LITAF: variants seen among roughly 807,000 people sequenced by gnomAD.
The protein encoded by LITAF is lipopolysaccharide induced TNF factor.
In LITAF, 9 loss-of-function variants were observed where a neutral mutation model predicts 14.5. The ratio of observed to expected loss-of-function variants is 0.62; its 90% confidence interval spans 0.37 to 1.08. The LOEUF (loss-of-function observed/expected upper bound fraction) is 1.08, where lower values mean the gene tolerates loss of function less well. Among genes scored for constraint, LITAF ranks in the 50% least tolerant of loss-of-function variants. The probability of loss-of-function intolerance (pLI) is 0.01; values close to 1 mark genes in which losing one functional copy is unlikely to be tolerated. For missense variants in LITAF, 206 were observed against 213.4 expected (o/e 0.97, Z 0.22); for synonymous variants, 98 against 88.2 (o/e 1.11, Z -0.62).
chr16:11,593,060 A>C (rs1340748547), intron 1 of LITAF, among the ~76,000 whole-genome samples: 1 of 152,124 alleles, frequency 6.6e-6, no homozygotes, highest in Non-Finnish European at 1.5e-5. Context: ...AGCCCCAGCT[A>C]CTCAGGAGGC....
chr16:11,611,684 A>T (rs1214074553), intron 3 of LITAF, among the ~76,000 whole-genome samples: 1 of 146,106 alleles, frequency 6.8e-6, no homozygotes, highest in African/African-American at 2.5e-5. Flanking sequence ...TTTTTTTAAG[A>T]CAGAGTCTCC....
chr16:11,556,466 G>A (rs781536905), intron 2 of LITAF, 45 bp downstream of exon 2: 19 of 1,530,766 alleles, frequency 1.2e-5, no homozygotes, highest in Non-Finnish European at 1.6e-5. Flanking sequence ...TTCCCAGGGT[G>A]GAGGGCCAAG....
chr16:11,577,464 C>T, intron 1 of LITAF, among the ~76,000 whole-genome samples: 1 of 151,630 alleles, frequency 6.6e-6, no homozygotes, highest in East Asian at 1.9e-4. Flanking sequence ...ATTACAGGCA[C>T]CCACCACCAC....
At chr16:11,577,571 G>A (rs768724240) in intron 1 of LITAF, among the ~76,000 whole-genome samples, 1 of 152,144 alleles carries the variant, frequency 6.6e-6, no homozygotes, top group Non-Finnish European at 1.5e-5. Context: ...ACCCACCTCA[G>A]CCTCCCGAAG....
intron 3 of LITAF, among the ~76,000 whole-genome samples, chr16:11,615,427 C>T (rs1231917928): frequency 1.3e-5 from 2 of 152,154 alleles, no homozygotes; most frequent in African/African-American, 4.8e-5. Context: ...ATCCCACCTA[C>T]TCAGGAGGCT....
chr16:11,549,928 AGAG>A lies in LITAF; in HGVS notation c.378-186_378-184del. ...CCTAAAACCCAATGACCTTAGAAGA[AGAG>A]GAGAGGACACACAGAGATACAGAGA... On this transcript the variant is annotated intron_variant, in intron 3 of 3. Transcript: ENST00000622633. The surrounding 1 kb of genome is among the most constrained non-coding windows in gnomAD (Gnocchi z 4.6). 1.6e-6 allele frequency: 1 copy of A among 624,460 alleles called. No individual in the cohort carries two copies. Among genetic ancestry groups the A allele is most frequent in the South Asian group, 1.5e-5 (1 of 65,930 alleles). 38.7% of individuals were successfully genotyped at this position (624,460 alleles called of 1,614,324 possible). A position where few individuals can be genotyped will look rare whatever the true frequency, so the allele number is the denominator to read the frequency against.
intron 1 of LITAF, among the ~76,000 whole-genome samples, chr16:11,576,216 C>G (rs909106620): frequency 1.3e-5 from 2 of 151,606 alleles, no homozygotes; most frequent in Non-Finnish European, 2.9e-5. Flanking sequence ...TGCCTGTAAT[C>G]CCAGTGCTTT....
chr16:11,585,065 A>G (rs2064787288), intron 1 of LITAF, among the ~76,000 whole-genome samples: 2 of 151,974 alleles, frequency 1.3e-5, no homozygotes, highest in Non-Finnish European at 2.9e-5. Context: ...AAAATTACCT[A>G]AGCATGGTGG....
At chr16:11,586,948 A>T (rs995074812), upstream of LITAF, 1 of 148,954 alleles carries the variant, frequency 6.7e-6, no homozygotes, top group African/African-American at 2.5e-5. The surrounding 1 kb of genome is among the most constrained non-coding windows in gnomAD (Gnocchi z 6.5). Flanking sequence ...CCCCGAGAAA[A>T]GGGCCGGGCG....
chr16:11,576,554 A>AAAAAAACAGAC (rs1555469756), intron 1 of LITAF, among the ~76,000 whole-genome samples: 1 of 116,642 alleles, frequency 8.6e-6, no homozygotes, highest in Non-Finnish European at 1.7e-5. Context: ...AAAAAAAAAA[A>AAAAAAACAGAC]AGAGAGAGAG....
At chr16:11,608,793 T>C (rs1288144944) in intron 3 of LITAF, among the ~76,000 whole-genome samples, 1 of 152,002 alleles carries the variant, frequency 6.6e-6, no homozygotes, top group Non-Finnish European at 1.5e-5. Flanking sequence ...TGAAACCCTG[T>C]CTCTACTAAA....
rs979437671 is a variant in LITAF at position 11,586,543 on chromosome 16, C to T, written c.-6+343G>A. Among the ~76,000 whole-genome samples the T allele has an allele frequency of 6.6e-6, 1 of 152,128 alleles. No individual in the cohort carries two copies. Among genetic ancestry groups the T allele is most frequent in the Admixed American group, 6.5e-5 (1 of 15,288 alleles). ...CGCCTTTTTCTAAAAAGCCCAGGGGCCGTCCTCTCCGGGGAGGGGGACGCG... is the reference window on the plus strand; with the variant it reads ...CGCCTTTTTCTAAAAAGCCCAGGGGTCGTCCTCTCCGGGGAGGGGGACGCG... On this transcript the variant is annotated intron_variant, in intron 1 of 3. Transcript: ENST00000622633. This position sits in a 1 kb window ranked among gnomAD's most constrained non-coding sequence, Gnocchi z 6.5.
At chr16:11,623,764 C>T (rs895970170) in intron 3 of LITAF, among the ~76,000 whole-genome samples, 6 of 151,906 alleles carry the variant, frequency 3.9e-5, no homozygotes, top group Admixed American at 3.3e-4. Flanking sequence ...GTCAGGAGTT[C>T]GAGACCAGCC....
chr16:11,596,766 G>A (rs1457081302), intron 1 of LITAF, among the ~76,000 whole-genome samples: 1 of 112,984 alleles, frequency 8.9e-6, no homozygotes, highest in East Asian at 3.5e-4. Flanking sequence ...GAAGGGAGAG[G>A]AGGAGGGGGA....
upstream of LITAF, among the ~76,000 whole-genome samples, chr16:11,602,467 A>T (rs958811383): frequency 2.6e-5 from 4 of 152,206 alleles, no homozygotes; most frequent in African/African-American, 9.7e-5. Context: ...CTTCAGTGTG[A>T]GTCCCAAGCT....
chr16:11,553,853 G>C lies in LITAF; in HGVS notation c.221-164C>G. The C allele has an allele frequency of 5.5e-6, 4 of 730,106 alleles. No individual in the cohort carries two copies. The South Asian group carries it at 6.7e-5, about 12-fold the overall frequency. 45.2% of individuals were successfully genotyped at this position (730,106 alleles called of 1,614,324 possible). On this transcript the variant is annotated intron_variant, in intron 2 of 3. Transcript: ENST00000622633. The surrounding 1 kb of genome is among the most constrained non-coding windows in gnomAD (Gnocchi z 7.7). The stretch of plus-strand genomic sequence containing the variant: ...TCTGGCTATCTATGAGAGCCAAAAG[G>C]GGAAGGAACACCAGTGTCCATCGAC...
upstream of LITAF, among the ~76,000 whole-genome samples, chr16:11,638,071 T>G (rs1488293462): frequency 3.7e-5 from 5 of 135,352 alleles, no homozygotes; most frequent in African/African-American, 5.9e-5. Context: ...TATATCTATA[T>G]ATATATCTAT....
intron 1 of LITAF, among the ~76,000 whole-genome samples, chr16:11,583,539 G>A (rs369607400): frequency 1.7e-4 from 26 of 152,202 alleles, no homozygotes; most frequent in East Asian, 9.6e-4. Context: ...GACAGAAGCC[G>A]CCCGATAAGG....
intron 1 of LITAF, among the ~76,000 whole-genome samples, chr16:11,598,112 TTAAAC>T (rs1452149887): frequency 6.6e-6 from 1 of 152,074 alleles, no homozygotes; most frequent in Non-Finnish European, 1.5e-5. Context: ...CAGGCTAATC[TTAAAC>T]TTAATCCTAG....
Sources: gnomAD v4.1 joint callset for allele counts (sites outside exome capture counted in the v4.1 genomes callset) on GRCh38, gnomAD v4.1.1 for gene constraint, Gnocchi (gnomAD v3.1) non-coding constraint, MANE v1.5 for transcripts, NCBI Gene and HGNC (gene_info 2026-07-23, HGNC 2026-07-21) for gene names.